Variants in SPHKAP observed in about 807,000 individuals in gnomAD.
SPHKAP encodes the protein A-kinase anchor protein SPHKAP.
Under a neutral mutation model 137.5 loss-of-function variants are expected in SPHKAP, and 67 were observed. That is an observed-to-expected ratio of 0.49 (90% CI 0.40 to 0.60). The LOEUF is 0.60. SPHKAP is among the 20% of genes least tolerant of loss of function. The probability of loss-of-function intolerance (pLI) is 0.00; values close to 1 mark genes in which losing one functional copy is unlikely to be tolerated. For synonymous variants in SPHKAP, 813 were observed against 785.3 expected (o/e 1.04, Z -0.59); for missense variants, 2,097 against 2,069.3 (o/e 1.01, Z -0.26).
chr2:227,991,047 T>C lies in SPHKAP; in HGVS notation c.4912A>G (p.Ile1638Val). ...GATTTCTTAAAGTAGATGGTGGGAATCCCCAGTTCAGAGGCAGCTATCCAC... is the reference window on the plus strand; with the variant it reads ...GATTTCTTAAAGTAGATGGTGGGAACCCCCAGTTCAGAGGCAGCTATCCAC... ...LQWIAASELG[I>V]PTIYFKKSQE... The change falls in exon 11 of 12, where the codon ATT becomes GTT. Residue 1638 changes from isoleucine (I) to valine (V), a missense_variant. Physicochemically the swap from Ile to Val is conservative, Grantham distance 29. Transcript: ENST00000392056. The C allele has an allele frequency of 3.1e-6, 5 of 1,614,120 alleles. No individual in the cohort carries two copies. Among genetic ancestry groups the C allele is most frequent in the Non-Finnish European group, 4.2e-6 (5 of 1,180,004 alleles).
At chr2:228,053,478 T>A (rs1249067332) in intron 3 of SPHKAP, among the ~76,000 whole-genome samples, 2 of 152,234 alleles carry the variant, frequency 1.3e-5, no homozygotes, top group African/African-American at 4.8e-5. Flanking sequence ...TGTTAAAATC[T>A]GGCTTACAGC....
chr2:227,997,552 A>G (rs1050570644), intron 7 of SPHKAP, among the ~76,000 whole-genome samples: 9 of 152,206 alleles, frequency 5.9e-5, no homozygotes, highest in African/African-American at 2.2e-4. Context: ...AAATTATATA[A>G]TTCATTAAGT....
At chr2:228,119,373 A>G (rs1698832983) in intron 2 of SPHKAP, among the ~76,000 whole-genome samples, 1 of 152,138 alleles carries the variant, frequency 6.6e-6, no homozygotes, top group Non-Finnish European at 1.5e-5. Context: ...CATTTTTAGT[A>G]TAATTTTGCA....
intron 3 of SPHKAP, among the ~76,000 whole-genome samples, chr2:228,055,872 G>A (rs541982786): frequency 1.3e-5 from 2 of 152,268 alleles, no homozygotes; most frequent in South Asian, 4.2e-4. Context: ...CAGTTTCATT[G>A]GGCATATTGC....
At chr2:228,089,842 T>C (rs974034519) in intron 3 of SPHKAP, among the ~76,000 whole-genome samples, 1 of 152,164 alleles carries the variant, frequency 6.6e-6, no homozygotes, top group Non-Finnish European at 1.5e-5. Context: ...GTGCACAGAA[T>C]GCAACAGTGA....
At chr2:228,056,024 G>A (rs1319906618) in intron 3 of SPHKAP, among the ~76,000 whole-genome samples, 1 of 152,208 alleles carries the variant, frequency 6.6e-6, no homozygotes, top group Non-Finnish European at 1.5e-5. Context: ...ATGACAGGAT[G>A]AAGCTTAGAA....
intron 8 of SPHKAP, chr2:227,994,252 C>CTT (rs35785879): frequency 5.2e-4 from 86 of 166,784 alleles, no homozygotes; most frequent in East Asian, 3.1e-3. Flanking sequence ...CACCTGGTAC[C>CTT]TTTTTTACTG....
rs554244005 is a variant in SPHKAP, at chr2:228,003,232, T to G, written c.4449-7538A>C. On this transcript the variant is annotated intron_variant, in intron 7 of 11. Coordinates refer to ENST00000392056, the MANE Select transcript of SPHKAP (RefSeq NM_001142644.2). ...TGTTCTTCCATTTGTTTGTGTCCTCTTTTATTTCGTTGAGCAGTGGTTTGT... is the reference window on the plus strand; with the variant it reads ...TGTTCTTCCATTTGTTTGTGTCCTCGTTTATTTCGTTGAGCAGTGGTTTGT... Among the ~76,000 whole-genome samples, 503 of 152,350 alleles carry G rather than the reference T, an allele frequency of 3.3e-3. 3 individuals are homozygous for G. The highest frequency in any genetic ancestry group is 0.012 in the African/African-American group (488 of 41,582).
intron 7 of SPHKAP, among the ~76,000 whole-genome samples, chr2:228,010,403 G>A (rs994101196): frequency 5.9e-5 from 9 of 152,124 alleles, no homozygotes; most frequent in Admixed American, 2.0e-4. Flanking sequence ...GTGGTGGCAT[G>A]TGCCTGTAGT....
At position 228,016,868 on chromosome 2, in the gene SPHKAP, TCTG is replaced by T; in HGVS notation, c.3983_3985del (p.Ala1328del). 1 of 1,614,074 alleles carries T rather than the reference TCTG, an allele frequency of 6.2e-7. No individual in the cohort carries two copies. Among genetic ancestry groups the T allele is most frequent in the Non-Finnish European group, 8.5e-7 (1 of 1,180,010 alleles). On this transcript the variant is annotated inframe_deletion, in exon 7 of 12. Transcript: ENST00000392056. Reference sequence around the variant, plus strand: ...AGAAACAGGCTCAGTGTCAGCTTCCTCTGCATCATCCACAATGATTTTGTTCTT... The same window carrying T: ...AGAAACAGGCTCAGTGTCAGCTTCCTCATCATCCACAATGATTTTGTTCTT...
rs559296429 is a variant in SPHKAP, at chr2:228,172,362, G to A, written c.32+9205C>T. Among the ~76,000 whole-genome samples, 7 of 152,276 alleles carry A rather than the reference G, an allele frequency of 4.6e-5. No homozygotes were observed. In the South Asian group the frequency reaches 1.4e-3, roughly 32 times the overall value. On this transcript the variant is annotated intron_variant, in intron 1 of 11. Coordinates refer to ENST00000392056, the MANE Select transcript of SPHKAP (RefSeq NM_001142644.2). ...AAGCCTACAGGCCATGGTATTTATT[G>A]TTATTATCTGGAGCTGGTCCATAGG...
intron 11 of SPHKAP, among the ~76,000 whole-genome samples, chr2:227,984,771 C>T (rs762984758): frequency 2.6e-5 from 4 of 152,144 alleles, no homozygotes; most frequent in Non-Finnish European, 5.9e-5. Context: ...TTTCTGAGGT[C>T]TCACTGGGAG....
In SPHKAP at chr2:228,015,139, T is replaced by C. The variant is rs372454927; in HGVS notation, c.4448+1267A>G. Reference sequence around the variant, plus strand: ...CCTGTGTCCATGTGTTCTCATTGTTTAATTCCCACCTATGAGTGAGAACAT... The same window carrying C: ...CCTGTGTCCATGTGTTCTCATTGTTCAATTCCCACCTATGAGTGAGAACAT... On this transcript the variant is annotated intron_variant, in intron 7 of 11. Coordinates refer to ENST00000392056, the MANE Select transcript of SPHKAP (RefSeq NM_001142644.2). Among the ~76,000 whole-genome samples, 483 of 146,210 alleles carry C rather than the reference T, an allele frequency of 3.3e-3. 3 individuals carry two copies. Among genetic ancestry groups the C allele is most frequent in the African/African-American group, 0.011 (451 of 39,494 alleles).
At chr2:228,021,292 C>T (rs530279446) in intron 6 of SPHKAP, among the ~76,000 whole-genome samples, 2 of 152,274 alleles carry the variant, frequency 1.3e-5, no homozygotes, top group African/African-American at 2.4e-5. Flanking sequence ...AGATAACTGG[C>T]GCCAGATCTC....
rs1167317172 is a variant in SPHKAP at position 228,132,811 on chromosome 2, A to C, written c.33-726T>G. On this transcript the variant is annotated intron_variant, in intron 1 of 11. Transcript: ENST00000392056. Reference sequence around the variant, plus strand: ...TTAGGAGTTTGAGACCAGCCTGGCCAACACGGTGAAACCCTGTTTCTACTA... The same window carrying C: ...TTAGGAGTTTGAGACCAGCCTGGCCCACACGGTGAAACCCTGTTTCTACTA... Among the ~76,000 whole-genome samples, 3 of 151,056 alleles carry C rather than the reference A, an allele frequency of 2.0e-5. No individual in the cohort carries two copies. In the East Asian group the frequency reaches 5.9e-4, roughly 30 times the overall value.
At chr2:228,055,442 T>C (rs1204959140) in intron 3 of SPHKAP, among the ~76,000 whole-genome samples, 2 of 152,202 alleles carry the variant, frequency 1.3e-5, no homozygotes, top group East Asian at 3.9e-4. Context: ...CATTCCCAGG[T>C]CCTTGGTTCA....
intron 7 of SPHKAP, among the ~76,000 whole-genome samples, chr2:228,012,408 A>C (rs977262688): frequency 6.6e-6 from 1 of 152,138 alleles, no homozygotes; most frequent in Admixed American, 6.6e-5. Flanking sequence ...CATAATGCTT[A>C]AAATGCAAGT....
At chr2:227,996,959 G>C (rs920652833) in intron 7 of SPHKAP, among the ~76,000 whole-genome samples, 1 of 152,224 alleles carries the variant, frequency 6.6e-6, no homozygotes, top group African/African-American at 2.4e-5. Flanking sequence ...AGCCCAGTGA[G>C]ATTGGAGGGC....
At chr2:228,152,996 G>A (rs930287323) in intron 1 of SPHKAP, among the ~76,000 whole-genome samples, 1 of 152,098 alleles carries the variant, frequency 6.6e-6, no homozygotes, top group East Asian at 1.9e-4. Flanking sequence ...TAAGTCTCAC[G>A]AGAGCTGATG....
Sources: allele counts gnomAD v4.1 joint callset (sites outside exome capture counted in the v4.1 genomes callset), GRCh38; gene constraint gnomAD v4.1.1; transcripts MANE v1.5; gene names NCBI Gene and HGNC (gene_info 2026-07-23, HGNC 2026-07-21).